The following UBE2L3 variants were observed in gnomAD, a reference collection of about 807,000 sequenced individuals.
UBE2L3 encodes the protein ubiquitin conjugating enzyme E2 L3, also known as ubiquitin-conjugating enzyme E2 L3.
A neutral mutation model predicts 17.8 loss-of-function variants in UBE2L3; 1 was observed. The ratio of observed to expected loss-of-function variants is 0.06; its 90% CI spans 0.02 to 0.27. UBE2L3 has a LOEUF of 0.27. UBE2L3 is among the 10% of genes least tolerant of loss of function. The pLI is 1.00. For synonymous variants in UBE2L3, 44 were observed against 68.5 expected, an observed-to-expected ratio of 0.64 and a Z score of 1.76; for missense variants, 40 against 192.6, an observed-to-expected ratio of 0.21 and a Z score of 4.69.
At chr22:21,595,523 C>T (rs1928465399) in intron 2 of UBE2L3, among the ~76,000 whole-genome samples, 1 of 152,180 alleles carries the variant, frequency 6.6e-6, no homozygotes, top group Admixed American at 6.5e-5. Flanking sequence ...TGGTGCTGTC[C>T]TTGGGTAGCC....
intron 1 of UBE2L3, among the ~76,000 whole-genome samples, chr22:21,558,120 TCCTGGGCAA>T (rs1926303597): frequency 6.6e-6 from 1 of 150,912 alleles, no homozygotes; most frequent in Non-Finnish European, 1.5e-5. Flanking sequence ...GAGTCTGGGT[TCCTGGGCAA>T]CCTGGTTCAC....
At chr22:21,576,802 T>A (rs1217293551) in intron 1 of UBE2L3, among the ~76,000 whole-genome samples, 1 of 66,756 alleles carries the variant, frequency 1.5e-5, no homozygotes, top group Non-Finnish European at 2.6e-5. Flanking sequence ...TTCTCTTTCC[T>A]TTTTTTTTTT....
intron 1 of UBE2L3, among the ~76,000 whole-genome samples, chr22:21,591,084 G>A (rs1928240659): frequency 6.6e-6 from 1 of 152,172 alleles, no homozygotes; most frequent in African/African-American, 2.4e-5. Context: ...TTGTGAGCAG[G>A]AGGACCAGGT....
intron 1 of UBE2L3, among the ~76,000 whole-genome samples, chr22:21,586,648 A>G (rs527508101): frequency 3.4e-5 from 5 of 148,310 alleles, no homozygotes; most frequent in Admixed American, 2.7e-4. Context: ...GCTTACCACA[A>G]CCTCCACCTC....
chr22:21,555,962 T>A (rs1926210131), intron 1 of UBE2L3, among the ~76,000 whole-genome samples: 1 of 152,108 alleles, frequency 6.6e-6, no homozygotes, highest in African/African-American at 2.4e-5. Context: ...TGGCCCAGAA[T>A]GGTGTCTTAA....
intron 1 of UBE2L3, among the ~76,000 whole-genome samples, chr22:21,584,654 A>T (rs920877574): frequency 6.7e-6 from 1 of 149,452 alleles, no homozygotes; most frequent in Admixed American, 6.6e-5. Context: ...CTGGTCTCCA[A>T]CTCCTGGCCT....
intron 2 of UBE2L3, among the ~76,000 whole-genome samples, chr22:21,597,002 A>G (rs185700483): frequency 3.0e-4 from 45 of 152,122 alleles, no homozygotes; most frequent in Admixed American, 2.9e-3. Flanking sequence ...TTTTTGAGAC[A>G]GGGTCTCACT....
At chr22:21,609,948 C>T (rs1018014476) in intron 2 of UBE2L3, among the ~76,000 whole-genome samples, 1 of 152,154 alleles carries the variant, frequency 6.6e-6, no homozygotes, top group African/African-American at 2.4e-5. Flanking sequence ...ATTGCTTGAA[C>T]CCAGGAGGCG....
At chr22:21,568,167 C>G (rs11089620) in intron 1 of UBE2L3, 189,711 of 1,006,002 alleles carry the variant, frequency 0.19, 19,359 homozygotes, top group East Asian at 0.4. Context: ...GCCCGGAGCC[C>G]GCGCCGCGGA....
intron 1 of UBE2L3, among the ~76,000 whole-genome samples, chr22:21,573,645 A>C (rs954572675): frequency 1.3e-5 from 2 of 152,172 alleles, no homozygotes; most frequent in African/African-American, 2.4e-5. Flanking sequence ...CAGTTGAAGA[A>C]GACGGACTGG....
chr22:21,576,595 G>T (rs983830193), intron 1 of UBE2L3, among the ~76,000 whole-genome samples: 1 of 151,788 alleles, frequency 6.6e-6, no homozygotes, highest in Non-Finnish European at 1.5e-5. Context: ...ACCATGCCCG[G>T]CCCCCAATTT....
intron 1 of UBE2L3, among the ~76,000 whole-genome samples, chr22:21,573,060 A>T (rs1049800324): frequency 1.3e-5 from 2 of 152,062 alleles, no homozygotes; most frequent in African/African-American, 4.8e-5. Context: ...AGACACCTGC[A>T]TCGAGCTCCT....
Position 21,621,821 on chromosome 22 carries a change from A to G in UBE2L3, c.*152A>G, listed in dbSNP as rs1930048703. On this transcript the variant is annotated 3_prime_UTR_variant, in exon 4 of 4. Coordinates refer to ENST00000342192, the MANE Select transcript of UBE2L3 (RefSeq NM_003347.4). The stretch of plus-strand genomic sequence containing the variant: ...CTAACTTTCTACAGTTTTCTTAATC[A>G]AAAGTGGTCTAGGTAACCTGTAAAG... 6.6e-6 allele frequency: 4 copies of G among 608,568 alleles called. No individual in the cohort carries two copies. The South Asian group carries it at 6.7e-5, about 10-fold the overall frequency. 37.7% of individuals were successfully genotyped at this position (608,568 alleles called of 1,614,324 possible).
chr22:21,598,836 G>A (rs925367993), intron 2 of UBE2L3, among the ~76,000 whole-genome samples: 2 of 141,852 alleles, frequency 1.4e-5, no homozygotes, highest in Non-Finnish European at 1.5e-5. Flanking sequence ...GCCCCCACCC[G>A]CCTAGTTCCA....
At chr22:21,619,530 A>T (rs780210575) in intron 3 of UBE2L3, among the ~76,000 whole-genome samples, 19 of 152,176 alleles carry the variant, frequency 1.2e-4, no homozygotes, top group Non-Finnish European at 2.5e-4. Context: ...TGGTCACAGG[A>T]GCCCTCTCTT....
chr22:21,581,722 A>G (rs1005734224), intron 1 of UBE2L3, among the ~76,000 whole-genome samples: 2 of 151,942 alleles, frequency 1.3e-5, no homozygotes, highest in Non-Finnish European at 2.9e-5. Context: ...GAATCACTTG[A>G]ACCTGGGAGG....
chr22:21,601,075 G>A (rs1291853796), intron 2 of UBE2L3, among the ~76,000 whole-genome samples: 1 of 151,844 alleles, frequency 6.6e-6, no homozygotes, highest in Non-Finnish European at 1.5e-5. Flanking sequence ...GGAGGCAGAG[G>A]CAGGAGAATT....
At chr22:21,566,121 C>A (rs1251449440), upstream of UBE2L3, among the ~76,000 whole-genome samples, 5 of 151,874 alleles carry the variant, frequency 3.3e-5, no homozygotes, top group Non-Finnish European at 5.9e-5. Flanking sequence ...TACGTTCGCC[C>A]ACCACCACAC....
chr22:21,589,529 A>G (rs886520450), intron 1 of UBE2L3, among the ~76,000 whole-genome samples: 2 of 152,166 alleles, frequency 1.3e-5, no homozygotes, highest in Non-Finnish European at 2.9e-5. Flanking sequence ...GGCCACTCAT[A>G]GTGCCCGTGG....
Sources: gnomAD v4.1 joint callset for allele counts (sites outside exome capture counted in the v4.1 genomes callset) on GRCh38, gnomAD v4.1.1 for gene constraint, MANE v1.5 for transcripts, NCBI Gene and HGNC (gene_info 2026-07-23, HGNC 2026-07-21) for gene names.